Variants in ST7 observed in about 807,000 individuals in gnomAD.
ST7 encodes the protein suppression of tumorigenicity 7, also known as suppressor of tumorigenicity 7 protein.
In ST7, 28 loss-of-function variants were observed where a neutral mutation model predicts 78.7. That is an observed-to-expected ratio of 0.36 (90% CI 0.26 to 0.49). The LOEUF is 0.49. Ranked by LOEUF, ST7 falls within the 20% of genes least tolerant of loss-of-function variation. The probability of loss-of-function intolerance (pLI) is 0.99; values close to 1 mark genes in which losing one functional copy is unlikely to be tolerated. For synonymous variants in ST7, 247 were observed against 249.6 expected (o/e 0.99, Z 0.10); for missense variants, 418 against 696.0 (o/e 0.60, Z 4.49).
At chr7:117,013,364 T>A (rs1795462198) in intron 1 of ST7, among the ~76,000 whole-genome samples, 1 of 152,192 alleles carries the variant, frequency 6.6e-6, no homozygotes, top group Non-Finnish European at 1.5e-5. Context: ...TAAAGAGAAT[T>A]AAGGCCTAAT....
chr7:117,131,636 G>A (rs1804365095), intron 5 of ST7, among the ~76,000 whole-genome samples: 2 of 151,890 alleles, frequency 1.3e-5, no homozygotes, highest in Admixed American at 6.6e-5. Context: ...CTCTGTTAGA[G>A]TGCCTTTTCT....
At chr7:117,223,485 C>G (rs1363726706) in intron 15 of ST7, 1 of 162,578 alleles carries the variant, frequency 6.2e-6, no homozygotes, top group Non-Finnish European at 1.3e-5. Context: ...CTTAGCTCTC[C>G]CAACTCTTGC....
At chr7:117,155,419 G>A (rs1052613596) in intron 9 of ST7, among the ~76,000 whole-genome samples, 4 of 152,182 alleles carry the variant, frequency 2.6e-5, no homozygotes, top group African/African-American at 9.7e-5. Context: ...GGAGGGATGA[G>A]ATCTTACTAA....
intron 1 of ST7, among the ~76,000 whole-genome samples, chr7:117,010,866 G>A (rs1795356356): frequency 6.6e-6 from 1 of 152,216 alleles, no homozygotes; most frequent in Admixed American, 6.5e-5. Flanking sequence ...GAGGAGGGTA[G>A]AGGACCGTGG....
chr7:117,150,314 T>C (rs1334480372), intron 9 of ST7, among the ~76,000 whole-genome samples: 1 of 152,218 alleles, frequency 6.6e-6, no homozygotes, highest in Non-Finnish European at 1.5e-5. Context: ...TAGGAGGTAA[T>C]GTTGTCCACT....
chr7:116,996,885 G>T (rs1035426764), intron 1 of ST7, among the ~76,000 whole-genome samples: 1 of 152,162 alleles, frequency 6.6e-6, no homozygotes, highest in Non-Finnish European at 1.5e-5. Context: ...TATAAGAAAA[G>T]GATTCGATAG....
intron 9 of ST7, among the ~76,000 whole-genome samples, chr7:117,152,986 A>G (rs1563125461): frequency 6.6e-6 from 1 of 152,096 alleles, no homozygotes; most frequent in Non-Finnish European, 1.5e-5. Context: ...TTCTGGGTTT[A>G]ATTTAGTGGG....
Position 117,089,236 on chromosome 7 carries a change from T to C in ST7, c.152-10526T>C, listed in dbSNP as rs1283723997. Among the ~76,000 whole-genome samples the C allele has an allele frequency of 4.6e-5, 7 of 152,204 alleles. No homozygotes were observed. The East Asian group carries it at 1.3e-3, about 29-fold the overall frequency. Reference sequence around the variant, plus strand: ...TTCTCCCACAAAACCTAGAGCTCCTTGAGGATAAGAACTATGTATATATCA... The same window carrying C: ...TTCTCCCACAAAACCTAGAGCTCCTCGAGGATAAGAACTATGTATATATCA... On this transcript the variant is annotated intron_variant, in intron 1 of 15. Coordinates refer to ENST00000323984, the MANE Select transcript of ST7 (RefSeq NM_001369598.1).
intron 1 of ST7, 81 bp downstream of exon 1, chr7:116,953,772 C>T (rs1792272869): frequency 2.8e-6 from 3 of 1,056,290 alleles, no homozygotes; most frequent in East Asian, 9.5e-5. Flanking sequence ...GGGCCGCGGC[C>T]AGGCGCGCGC....
chr7:117,226,555 C>T (rs1170066056), intron 15 of ST7, among the ~76,000 whole-genome samples: 5 of 152,172 alleles, frequency 3.3e-5, no homozygotes, highest in Non-Finnish European at 5.9e-5. Context: ...TTCAAACATG[C>T]GCAGAAATAC....
chr7:117,133,644 T>A (rs1334935175), intron 6 of ST7, among the ~76,000 whole-genome samples: 2 of 151,750 alleles, frequency 1.3e-5, no homozygotes, highest in Admixed American at 6.6e-5. Flanking sequence ...AAATAGGGAA[T>A]AAATGGTTGT....
intron 1 of ST7, chr7:116,955,148 A>T (rs992505247): frequency 4.3e-6 from 2 of 470,578 alleles, no homozygotes; most frequent in Non-Finnish European, 8.8e-6. Flanking sequence ...TCTTCGCTTT[A>T]GACAAGTATG....
chr7:117,219,031 G>C lies in ST7; in HGVS notation c.1406-53G>C. On this transcript the variant is annotated intron_variant, in intron 13 of 15. Transcript: ENST00000323984. The surrounding 1 kb of genome is among the most constrained non-coding windows in gnomAD (Gnocchi z 5.1). ...CTCAAACGCCCCTTTTTGCAGTTGGGAAGTTATGACACAAACATTGGACAT... is the reference window on the plus strand; with the variant it reads ...CTCAAACGCCCCTTTTTGCAGTTGGCAAGTTATGACACAAACATTGGACAT... The C allele has an allele frequency of 6.8e-7, 1 of 1,470,242 alleles. No homozygotes were observed. The highest frequency in any genetic ancestry group is 9.4e-7 in the Non-Finnish European group (1 of 1,066,676). 91.1% of individuals were successfully genotyped at this position (1,470,242 alleles called of 1,614,324 possible).
chr7:117,213,143 A>T (rs551978012), intron 13 of ST7, among the ~76,000 whole-genome samples: 2 of 152,238 alleles, frequency 1.3e-5, no homozygotes, highest in African/African-American at 2.4e-5. Flanking sequence ...GGCCATGCAT[A>T]GGAAGCCTGT....
At chr7:117,176,336 A>G (rs1288181427) in intron 10 of ST7, among the ~76,000 whole-genome samples, 1 of 152,182 alleles carries the variant, frequency 6.6e-6, no homozygotes, top group East Asian at 1.9e-4. Context: ...CTAAATTAGC[A>G]TTATTATCTG....
chr7:117,200,299 A>G (rs1584582810), intron 12 of ST7, among the ~76,000 whole-genome samples: 1 of 152,142 alleles, frequency 6.6e-6, no homozygotes, highest in Admixed American at 6.5e-5. Context: ...CAGTTCAGAA[A>G]ATAACAGATG....
In ST7 at chr7:117,112,675, G is replaced by A. The variant is rs1013317345; in HGVS notation, c.235-6886G>A. The A allele has an allele frequency of 2.6e-5, 4 of 152,284 alleles. No homozygotes were observed. The East Asian group carries it at 5.8e-4, about 22-fold the overall frequency. The allele number at this position is 152,284 out of a possible 1,614,324, so 9.4% of individuals were successfully genotyped here. On this transcript the variant is annotated intron_variant, in intron 2 of 15. Transcript: ENST00000323984. ...CCCAAAATAATGGTGATTCTGGAAC[G>A]AAGAGTGGAAAAAGACACAGGGAAA... is the stretch of plus-strand genomic sequence containing the variant.
chr7:117,065,004 A>G (rs1798555638), intron 1 of ST7, among the ~76,000 whole-genome samples: 1 of 152,170 alleles, frequency 6.6e-6, no homozygotes, highest in African/African-American at 2.4e-5. Flanking sequence ...AAACTGTCTA[A>G]CACTTATAAG....
chr7:117,227,614 G>T (rs909950245), intron 15 of ST7, among the ~76,000 whole-genome samples: 1 of 152,134 alleles, frequency 6.6e-6, no homozygotes, highest in South Asian at 2.1e-4. Context: ...TTCCTATCAT[G>T]TTGGGTGAAT....
Sources: allele counts gnomAD v4.1 joint callset (sites outside exome capture counted in the v4.1 genomes callset), GRCh38; gene constraint gnomAD v4.1.1; non-coding constraint Gnocchi (gnomAD v3.1); transcripts MANE v1.5; gene names NCBI Gene and HGNC (gene_info 2026-07-23, HGNC 2026-07-21).